Variants in GADL1 observed in about 807,000 individuals in gnomAD.
GADL1 encodes GAD like acidic amino acid decarboxylase 1.
Under a neutral mutation model 69.5 loss-of-function variants are expected in GADL1, and 71 were observed. The observed-to-expected ratio is 1.02, with a 90% CI of 0.84 to 1.25. GADL1 has a LOEUF of 1.25. Ranked by LOEUF, GADL1 falls within the 50% of genes most tolerant of loss-of-function variation. GADL1 has a pLI of 0.00. For synonymous variants in GADL1, 254 were observed against 214.4 expected, an observed-to-expected ratio of 1.18 and a Z score of -1.62; for missense variants, 737 against 631.8, an observed-to-expected ratio of 1.17 and a Z score of -1.79.
At chr3:30,849,020 T>C (rs1011175611) in intron 6 of GADL1, among the ~76,000 whole-genome samples, 1 of 152,094 alleles carries the variant, frequency 6.6e-6, no homozygotes, top group Non-Finnish European at 1.5e-5. Flanking sequence ...GAGGCAGAAG[T>C]AACAATGGCC....
At chr3:30,738,260 T>C (rs1301417526) in intron 14 of GADL1, among the ~76,000 whole-genome samples, 1 of 152,170 alleles carries the variant, frequency 6.6e-6, no homozygotes, top group African/African-American at 2.4e-5. Flanking sequence ...CTTGGGGCAT[T>C]TGGAATCATG....
intron 14 of GADL1, among the ~76,000 whole-genome samples, chr3:30,740,103 C>T (rs1381288959): frequency 2.0e-5 from 3 of 152,134 alleles, no homozygotes; most frequent in African/African-American, 7.2e-5. Flanking sequence ...GATAGAGGGG[C>T]TCCCACAAGG....
intron 14 of GADL1, among the ~76,000 whole-genome samples, chr3:30,776,712 C>A (rs1696548889): frequency 6.6e-6 from 1 of 152,220 alleles, no homozygotes; most frequent in Non-Finnish European, 1.5e-5. Flanking sequence ...GACTTAAAGG[C>A]TATGTTCTGC....
intron 11 of GADL1, among the ~76,000 whole-genome samples, chr3:30,808,768 T>C (rs1161818946): frequency 6.6e-6 from 1 of 152,220 alleles, no homozygotes. Flanking sequence ...CCCACTACTT[T>C]TATCTTTCTC....
intron 14 of GADL1, among the ~76,000 whole-genome samples, chr3:30,748,611 T>A (rs7614976): frequency 6.6e-6 from 1 of 152,182 alleles, no homozygotes; most frequent in African/African-American, 2.4e-5. Context: ...TGTAAGAGGC[T>A]TTAGCTATCA....
At chr3:30,781,090 T>C (rs1327122338) in intron 13 of GADL1, among the ~76,000 whole-genome samples, 2 of 152,120 alleles carry the variant, frequency 1.3e-5, no homozygotes, top group Non-Finnish European at 2.9e-5. Context: ...TGTTCTAAAA[T>C]CCACAAAATT....
intron 1 of GADL1, among the ~76,000 whole-genome samples, chr3:30,894,253 A>AG (rs1225080675): frequency 3.3e-5 from 5 of 152,224 alleles, no homozygotes; most frequent in African/African-American, 1.2e-4. Flanking sequence ...TCTTTTTTAC[A>AG]GGGCAGGTAC....
At chr3:30,859,477 G>A (rs1447448447) in intron 2 of GADL1, among the ~76,000 whole-genome samples, 1 of 151,804 alleles carries the variant, frequency 6.6e-6, no homozygotes, top group East Asian at 1.9e-4. Flanking sequence ...GTATCATAGG[G>A]AAAGAAAATC....
intron 3 of GADL1, among the ~76,000 whole-genome samples, chr3:30,856,311 C>G (rs908286568): frequency 1.3e-5 from 2 of 152,050 alleles, no homozygotes; most frequent in Non-Finnish European, 2.9e-5. Context: ...AGATTATTCT[C>G]CCATTTTTGA....
At position 30,854,764 on chromosome 3, in the gene GADL1, C is replaced by T. The variant is rs1229459950; in HGVS notation, c.363G>A (p.Leu121=). Residue 121 remains leucine (L), a synonymous_variant, in exon 4 of 15, where the codon TTG becomes TTA. Transcript: ENST00000282538. ...KTNHPRFFNQ[L]YAGLDYYSLV... ...AGGAGTAATAATCAAGTCCAGCATA[C>T]AATTGGTTGAAAAATCTTGGGTGGT... 4 of 1,547,618 alleles carry T rather than the reference C, an allele frequency of 2.6e-6. No homozygotes were observed. The highest frequency in any genetic ancestry group is 2.5e-5 in the East Asian group (1 of 40,812).
rs371156806 is a variant in GADL1, at chr3:30,729,064, AG to A, written c.1393-650del. Among the ~76,000 whole-genome samples, 50 of 152,314 alleles carry A rather than the reference AG, an allele frequency of 3.3e-4. No individual in the cohort carries two copies. In the East Asian group the frequency reaches 9.1e-3, roughly 28 times the overall value. ...TATAAACACCCTGTCTCTTATTAAGAGATGTAAATGTGGTAATAAAATTAGG... is the reference window on the plus strand; with the variant it reads ...TATAAACACCCTGTCTCTTATTAAGAATGTAAATGTGGTAATAAAATTAGG... On this transcript the variant is annotated intron_variant, in intron 14 of 14. Coordinates refer to ENST00000282538, the MANE Select transcript of GADL1 (RefSeq NM_207359.3).
At chr3:30,838,074 T>G (rs1218211810) in intron 9 of GADL1, among the ~76,000 whole-genome samples, 2 of 152,130 alleles carry the variant, frequency 1.3e-5, no homozygotes, top group Admixed American at 1.3e-4. Context: ...TACAAAATTA[T>G]GTGGGTATAT....
rs572718942 is a variant in GADL1, at chr3:30,786,374, CCTT to C, written c.1280_1282del (p.Glu427del). 433 of 1,559,658 alleles carry C rather than the reference CCTT, an allele frequency of 2.8e-4. No individual in the cohort carries two copies. The African/African-American group carries it at 5.0e-3, about 18-fold the overall frequency. Reference sequence around the variant, plus strand: ...ACTTACTTCCATCAGTAACTTGAATCCTTCTCTTTTCTTGATTTCATCTACTAG... The same window carrying C: ...ACTTACTTCCATCAGTAACTTGAATCCTCTTTTCTTGATTTCATCTACTAG... On this transcript the variant is annotated inframe_deletion, in exon 13 of 15. Coordinates refer to ENST00000282538, the MANE Select transcript of GADL1 (RefSeq NM_207359.3).
At chr3:30,825,136 T>A (rs1394414316) in intron 11 of GADL1, among the ~76,000 whole-genome samples, 1 of 151,948 alleles carries the variant, frequency 6.6e-6, no homozygotes, top group Non-Finnish European at 1.5e-5. Context: ...ACTTGTGAAT[T>A]ATATGCAGTT....
intron 3 of GADL1, among the ~76,000 whole-genome samples, chr3:30,855,287 C>CT (rs1459304432): frequency 6.6e-6 from 1 of 152,058 alleles, no homozygotes; most frequent in Non-Finnish European, 1.5e-5. Flanking sequence ...ACTTGCTCCT[C>CT]TTTTTTACAA....
intron 14 of GADL1, among the ~76,000 whole-genome samples, chr3:30,769,119 T>C (rs1696356227): frequency 6.6e-6 from 1 of 152,140 alleles, no homozygotes; most frequent in Non-Finnish European, 1.5e-5. Context: ...TTATTTTCTC[T>C]AAATAAAATT....
chr3:30,781,847 G>A (rs1575202276), intron 13 of GADL1, among the ~76,000 whole-genome samples: 2 of 152,164 alleles, frequency 1.3e-5, no homozygotes, highest in Admixed American at 6.6e-5. Context: ...GGCCATAATG[G>A]CAAAAAGAGA....
chr3:30,888,604 T>C (rs1698740296), intron 1 of GADL1, among the ~76,000 whole-genome samples: 1 of 152,122 alleles, frequency 6.6e-6, no homozygotes, highest in South Asian at 2.1e-4. Flanking sequence ...GCAATAGGGG[T>C]ACTGCCTTCA....
chr3:30,884,890 A>G (rs1698683794), intron 1 of GADL1, among the ~76,000 whole-genome samples: 1 of 152,026 alleles, frequency 6.6e-6, no homozygotes, highest in Admixed American at 6.6e-5. Flanking sequence ...CCTAGGAGGT[A>G]AGCAGTGTTG....
Sources: gnomAD v4.1 joint callset for allele counts (sites outside exome capture counted in the v4.1 genomes callset) on GRCh38, gnomAD v4.1.1 for gene constraint, MANE v1.5 for transcripts, NCBI Gene and HGNC (gene_info 2026-07-23, HGNC 2026-07-21) for gene names.